Variants in PFKP observed in about 807,000 individuals in gnomAD.
PFKP encodes phosphofructokinase, platelet.
Under a neutral mutation model 94.3 loss-of-function variants are expected in PFKP, and 101 were observed. That is an observed-to-expected ratio of 1.07 (90% confidence interval 0.91 to 1.26). The LOEUF (loss-of-function observed/expected upper bound fraction) is 1.26. Ranked by LOEUF, PFKP falls within the 50% of genes most tolerant of loss-of-function variation. The pLI, the probability that PFKP is intolerant of heterozygous loss-of-function variation, is 0.00. For missense variants in PFKP, 1,145 were observed against 1,103.3 expected (o/e 1.04, Z -0.53); for synonymous variants, 573 against 432.6 (o/e 1.32, Z -4.03).
At chr10:3,105,669 C>G (rs1835470766) in intron 7 of PFKP, among the ~76,000 whole-genome samples, 168 bp downstream of exon 7, 1 of 152,168 alleles carries the variant, frequency 6.6e-6, no homozygotes. Context: ...ATGTTTTCCT[C>G]TATGAAGGCT....
At chr10:3,089,044 G>C (rs113447432) in intron 2 of PFKP, among the ~76,000 whole-genome samples, 9,736 of 152,202 alleles carry the variant, frequency 0.064, 464 homozygotes, top group Non-Finnish European at 0.094. Flanking sequence ...CGATTCTCCT[G>C]CCTCAGCCTC....
chr10:3,134,095 GC>G (rs1417849384), intron 19 of PFKP, among the ~76,000 whole-genome samples: 5 of 152,120 alleles, frequency 3.3e-5, no homozygotes, highest in African/African-American at 9.7e-5. Flanking sequence ...TTAAGCCAGA[GC>G]CCATGAATCC....
intron 14 of PFKP, among the ~76,000 whole-genome samples, chr10:3,118,185 A>G (rs1837018739): frequency 6.6e-6 from 1 of 152,188 alleles, no homozygotes; most frequent in South Asian, 2.1e-4. Context: ...CATTTAAACA[A>G]TTATTGGGCA....
chr10:3,104,342 C>T (rs1351867208), intron 5 of PFKP, among the ~76,000 whole-genome samples: 1 of 152,220 alleles, frequency 6.6e-6, no homozygotes, highest in East Asian at 1.9e-4. Flanking sequence ...GTCGTGGGGG[C>T]CACAGCGTTT....
At chr10:3,096,655 C>CCA (rs552593067) in intron 2 of PFKP, among the ~76,000 whole-genome samples, 3 of 150,742 alleles carry the variant, frequency 2.0e-5, no homozygotes, top group African/African-American at 7.4e-5. Context: ...GTTTCCTTGC[C>CCA]CCCCCGAGCT....
At chr10:3,101,300 T>G in intron 3 of PFKP, 65 bp from the exon 4 acceptor site, 1 of 1,330,392 alleles carries the variant, frequency 7.5e-7, no homozygotes, top group Non-Finnish European at 1.0e-6. Flanking sequence ...AGTCGGCCTG[T>G]GTGTGCCATC....
At chr10:3,088,152 C>T (rs1486826206) in intron 2 of PFKP, among the ~76,000 whole-genome samples, 1 of 119,630 alleles carries the variant, frequency 8.4e-6, no homozygotes, top group Non-Finnish European at 1.7e-5. Context: ...CCCCTCCCCC[C>T]ACCCCACAAC....
At position 3,109,608 on chromosome 10, in the gene PFKP, A is replaced by T. The variant is rs1436591710; in HGVS notation, c.1089+128A>T. ...GCATTACACGGCCTTTCTGAGAAGGAGGTGAGCTGCCCGTGGGGAGGGAGA... is the reference window on the plus strand; with the variant it reads ...GCATTACACGGCCTTTCTGAGAAGGTGGTGAGCTGCCCGTGGGGAGGGAGA... On this transcript the variant is annotated intron_variant, in intron 10 of 21. Coordinates refer to ENST00000381125, the MANE Select transcript of PFKP (RefSeq NM_002627.5). The T allele has an allele frequency of 1.4e-5, 16 of 1,148,726 alleles. No individual in the cohort carries two copies. In the South Asian group the frequency reaches 1.6e-4, roughly 11 times the overall value. The allele number at this position is 1,148,726 out of a possible 1,614,324, so 71.2% of individuals were successfully genotyped here.
Position 3,113,530 on chromosome 10 carries a change from A to G in PFKP, c.1371+12A>G, listed in dbSNP as rs1836475708. The stretch of plus-strand genomic sequence containing the variant: ...TCGCCAAGGGCCAGGTGAGTCACCC[A>G]GGATGCCGTAGGCAGGCAGACACCC... On this transcript the variant is annotated intron_variant, in intron 13 of 21. Transcript: ENST00000381125. 1.9e-6 allele frequency: 3 copies of G among 1,609,794 alleles called. No homozygotes were observed. Among genetic ancestry groups the G allele is most frequent in the Non-Finnish European group, 2.5e-6 (3 of 1,179,476 alleles).
At chr10:3,091,692 A>G (rs1329458562) in intron 2 of PFKP, among the ~76,000 whole-genome samples, 2 of 152,082 alleles carry the variant, frequency 1.3e-5, no homozygotes, top group Admixed American at 6.6e-5. Flanking sequence ...TAATCCTTGG[A>G]AGGCTGAGGC....
intron 2 of PFKP, 31 bp from the exon 3 acceptor site, chr10:3,099,244 A>T: frequency 1.9e-6 from 3 of 1,561,744 alleles, no homozygotes; most frequent in Non-Finnish European, 2.6e-6. Flanking sequence ...AGTTTATCTC[A>T]TTTTTAAAAG....
intron 16 of PFKP, among the ~76,000 whole-genome samples, chr10:3,120,264 AG>A (rs1837267935): frequency 6.6e-6 from 1 of 152,076 alleles, no homozygotes; most frequent in Non-Finnish European, 1.5e-5. Context: ...TGTGGCCACC[AG>A]GGGGACGTAG....
chr10:3,102,540 A>C (rs953511300), intron 4 of PFKP, among the ~76,000 whole-genome samples: 1 of 151,932 alleles, frequency 6.6e-6, no homozygotes, highest in South Asian at 2.1e-4. Flanking sequence ...CAGCCTCCCA[A>C]GCAGCTGGGA....
intron 16 of PFKP, chr10:3,125,332 TTTA>T (rs1837836121): frequency 8.1e-6 from 8 of 992,580 alleles, no homozygotes; most frequent in African/African-American, 1.9e-5. Context: ...ATGAGCCGGA[TTTA>T]TTCTTCTTCT....
chr10:3,101,652 TTC>T, intron 4 of PFKP, 98 bp downstream of exon 4: 1 of 818,724 alleles, frequency 1.2e-6, no homozygotes, highest in Non-Finnish European at 1.9e-6. Context: ...GAAGTACCTC[TTC>T]TCACAGATCT....
intron 7 of PFKP, among the ~76,000 whole-genome samples, chr10:3,106,209 G>C (rs1835535569): frequency 6.6e-6 from 1 of 151,416 alleles, no homozygotes; most frequent in East Asian, 2.0e-4. Context: ...GAGGCAGAAA[G>C]CATGGCGTGC....
chr10:3,104,910 G>A lies in PFKP; in HGVS notation c.621-205G>A, dbSNP rs1835386269. 4.7e-6 allele frequency: 3 copies of A among 644,330 alleles called. No homozygotes were observed. In the South Asian group the frequency reaches 5.4e-5, roughly 12 times the overall value. 39.9% of individuals were successfully genotyped at this position (644,330 alleles called of 1,614,324 possible). A position where few individuals can be genotyped will look rare whatever the true frequency, so the allele number is the denominator to read the frequency against. On this transcript the variant is annotated intron_variant, in intron 5 of 21. Coordinates refer to ENST00000381125, the MANE Select transcript of PFKP (RefSeq NM_002627.5). ...GGTGGCTCAAGTCCCCTTCCTCGCA[G>A]GAGTCTGGAAGGCTACTGCATAGCG...
At chr10:3,116,930 C>T (rs181249469) in intron 14 of PFKP, 84 bp downstream of exon 14, 454 of 1,078,288 alleles carry the variant, frequency 4.2e-4, no homozygotes, top group Non-Finnish European at 5.9e-4. Context: ...TGGGTGCCGA[C>T]GCCAGTTGGA....
intron 2 of PFKP, among the ~76,000 whole-genome samples, chr10:3,086,356 A>G (rs895925598): frequency 2.0e-5 from 3 of 152,140 alleles, no homozygotes; most frequent in African/African-American, 7.2e-5. Context: ...AAACTGACTT[A>G]CCTTAGTTCA....
Sources: gnomAD v4.1 joint callset for allele counts (sites outside exome capture counted in the v4.1 genomes callset) on GRCh38, gnomAD v4.1.1 for gene constraint, MANE v1.5 for transcripts, NCBI Gene and HGNC (gene_info 2026-07-23, HGNC 2026-07-21) for gene names.